The following EPHA6 variants were observed in gnomAD, a reference collection of about 807,000 sequenced individuals.
The protein encoded by EPHA6 is EPH receptor A6.
A neutral mutation model predicts 112.0 loss-of-function variants in EPHA6; 50 were observed. That is an observed-to-expected ratio of 0.45 (90% CI 0.36 to 0.56). EPHA6 has a LOEUF of 0.56. Ranked by LOEUF, EPHA6 falls within the 20% of genes least tolerant of loss-of-function variation. The pLI is 0.00. For synonymous variants in EPHA6, 529 were observed against 490.7 expected (o/e 1.08, Z -1.03); for missense variants, 1,280 against 1,417.4 (o/e 0.90, Z 1.56).
At chr3:97,096,237 A>ATG (rs2047231539) in intron 3 of EPHA6, among the ~76,000 whole-genome samples, 1 of 146,390 alleles carries the variant, frequency 6.8e-6, no homozygotes, top group Non-Finnish European at 1.5e-5. Context: ...GGAAATATAT[A>ATG]TATATATACA....
chr3:97,545,116 T>G (rs150583721), intron 11 of EPHA6, among the ~76,000 whole-genome samples: 26,175 of 151,912 alleles, frequency 0.17, 2,667 homozygotes, highest in Admixed American at 0.26. Flanking sequence ...GCTTTTGAAT[T>G]TGTTTGCTCT....
At chr3:97,594,604 T>A (rs1011591478) in intron 12 of EPHA6, among the ~76,000 whole-genome samples, 3 of 152,202 alleles carry the variant, frequency 2.0e-5, no homozygotes, top group African/African-American at 7.2e-5. Context: ...TTTCAAAGAA[T>A]TTTTTTATCC....
chr3:96,858,501 A>G (rs1256422362), intron 1 of EPHA6, among the ~76,000 whole-genome samples: 6 of 152,094 alleles, frequency 3.9e-5, no homozygotes, highest in African/African-American at 1.4e-4. Flanking sequence ...TTCTGTGAAA[A>G]ATTGCTTGTG....
At chr3:97,123,653 C>T (rs941589253) in intron 3 of EPHA6, among the ~76,000 whole-genome samples, 1 of 152,110 alleles carries the variant, frequency 6.6e-6, no homozygotes, top group East Asian at 1.9e-4. Flanking sequence ...AGTTTGAATT[C>T]ATAGAGAGAA....
chr3:97,052,177 C>CA (rs1362723873), intron 3 of EPHA6, among the ~76,000 whole-genome samples: 2 of 152,076 alleles, frequency 1.3e-5, no homozygotes, highest in African/African-American at 4.8e-5. Flanking sequence ...CTCTACAGTG[C>CA]ACACTGTTAC....
At chr3:96,978,598 A>G (rs889733580) in intron 2 of EPHA6, among the ~76,000 whole-genome samples, 1 of 152,104 alleles carries the variant, frequency 6.6e-6, no homozygotes, top group Middle Eastern at 3.2e-3. Context: ...AAATTTACCA[A>G]TTATGTCTGT....
intron 5 of EPHA6, among the ~76,000 whole-genome samples, chr3:97,341,089 C>T (rs761598312): frequency 1.3e-5 from 2 of 152,124 alleles, no homozygotes; most frequent in Admixed American, 6.5e-5. Flanking sequence ...GGCCAGAGGC[C>T]GAGTAGGTTC....
chr3:97,253,266 A>G (rs2079196398), intron 5 of EPHA6, among the ~76,000 whole-genome samples: 1 of 152,208 alleles, frequency 6.6e-6, no homozygotes, highest in African/African-American at 2.4e-5. Flanking sequence ...CCTGATTTTT[A>G]TGAAAGAAAG....
chr3:97,223,600 C>G (rs773239965), intron 3 of EPHA6, among the ~76,000 whole-genome samples: 13 of 152,168 alleles, frequency 8.5e-5, no homozygotes, highest in Non-Finnish European at 1.6e-4. Context: ...AGGCAGTTAT[C>G]AAGGCAACAG....
At chr3:96,964,260 T>C (rs1199905510) in intron 2 of EPHA6, among the ~76,000 whole-genome samples, 1 of 152,178 alleles carries the variant, frequency 6.6e-6, no homozygotes, top group African/African-American at 2.4e-5. Flanking sequence ...CCCCTGAGGC[T>C]GGAAGGCCCA....
At chr3:96,880,757 G>C (rs1244002181) in intron 2 of EPHA6, among the ~76,000 whole-genome samples, 1 of 151,970 alleles carries the variant, frequency 6.6e-6, no homozygotes, top group African/African-American at 2.4e-5. Context: ...CCTATTCTGT[G>C]TATTTCATAT....
At chr3:96,941,668 G>C (rs2040957123) in intron 2 of EPHA6, among the ~76,000 whole-genome samples, 1 of 152,152 alleles carries the variant, frequency 6.6e-6, no homozygotes, top group Admixed American at 6.5e-5. Context: ...GAGGAGGAGA[G>C]GTGCTCTGCT....
At chr3:97,627,472 G>A (rs1296664804) in intron 13 of EPHA6, among the ~76,000 whole-genome samples, 1 of 151,814 alleles carries the variant, frequency 6.6e-6, no homozygotes, top group African/African-American at 2.4e-5. Context: ...GGATACCTGA[G>A]AGAAAATATT....
At chr3:96,998,189 A>G (rs1337594974) in intron 3 of EPHA6, among the ~76,000 whole-genome samples, 3 of 151,920 alleles carry the variant, frequency 2.0e-5, no homozygotes, top group Non-Finnish European at 4.4e-5. Flanking sequence ...TTTATTCACT[A>G]TCTCTGTACT....
At chr3:97,281,709 G>A (rs1213494321) in intron 5 of EPHA6, among the ~76,000 whole-genome samples, 1 of 152,010 alleles carries the variant, frequency 6.6e-6, no homozygotes, top group East Asian at 1.9e-4. Context: ...TATGGACAAG[G>A]TACTATTCTA....
At chr3:97,658,874 G>T (rs1344114811) in intron 14 of EPHA6, among the ~76,000 whole-genome samples, 1 of 151,914 alleles carries the variant, frequency 6.6e-6, no homozygotes, top group African/African-American at 2.4e-5. Flanking sequence ...GTGCCCTCTT[G>T]TGGTGAATGA....
chr3:97,339,881 A>T (rs2083223921), intron 5 of EPHA6, among the ~76,000 whole-genome samples: 1 of 152,198 alleles, frequency 6.6e-6, no homozygotes, highest in Admixed American at 6.5e-5. Flanking sequence ...GTGATGTCAC[A>T]GAAGGTCATA....
chr3:97,537,359 G>A (rs1232970437), intron 11 of EPHA6, among the ~76,000 whole-genome samples: 13 of 152,016 alleles, frequency 8.6e-5, no homozygotes, highest in Non-Finnish European at 1.6e-4. Context: ...GTTTGACCAG[G>A]TATTAGGCCC....
At chr3:97,249,522 C>A (rs1478660074) in intron 5 of EPHA6, among the ~76,000 whole-genome samples, 1 of 152,118 alleles carries the variant, frequency 6.6e-6, no homozygotes, top group Non-Finnish European at 1.5e-5. Context: ...GGACCTCAGA[C>A]TTTAGAAATT....
Sources: allele counts gnomAD v4.1 joint callset (sites outside exome capture counted in the v4.1 genomes callset), GRCh38; gene constraint gnomAD v4.1.1; transcripts MANE v1.5; gene names NCBI Gene and HGNC (gene_info 2026-07-23, HGNC 2026-07-21).